The following CHSY1 variants were observed in gnomAD, a reference collection of about 807,000 sequenced individuals.
The protein encoded by CHSY1 is N-acetylgalactosaminyl-proteoglycan 3-beta-glucuronosyltransferase 1.
CHSY1 carries 13 observed loss-of-function variants against 59.8 expected under a neutral mutation model. The observed-to-expected ratio is 0.22, with a 90% confidence interval of 0.14 to 0.35. The LOEUF (loss-of-function observed/expected upper bound fraction) is 0.35. Ranked by LOEUF, CHSY1 falls within the 10% of genes least tolerant of loss-of-function variation. The probability of loss-of-function intolerance (pLI) is 1.00; values close to 1 mark genes in which losing one functional copy is unlikely to be tolerated. For missense variants in CHSY1, 947 were observed against 1,030.6 expected (o/e 0.92, Z 1.11); for synonymous variants, 459 against 401.2 (o/e 1.14, Z -1.72).
At chr15:101,196,964 G>C (rs895573366) in intron 2 of CHSY1, among the ~76,000 whole-genome samples, 7 of 152,160 alleles carry the variant, frequency 4.6e-5, no homozygotes, top group African/African-American at 1.7e-4. Flanking sequence ...GAACAAAAAG[G>C]GGCAAAGCAT....
At chr15:101,204,941 T>C (rs1363627496) in intron 2 of CHSY1, among the ~76,000 whole-genome samples, 1 of 152,074 alleles carries the variant, frequency 6.6e-6, no homozygotes, top group Non-Finnish European at 1.5e-5. Flanking sequence ...CTGGCAGAGT[T>C]AAGAATACTG....
intron 2 of CHSY1, among the ~76,000 whole-genome samples, chr15:101,184,478 A>G (rs1053432368): frequency 1.3e-5 from 2 of 150,570 alleles, no homozygotes; most frequent in Non-Finnish European, 3.0e-5. Context: ...CCTCCCAGGG[A>G]GCTGGAACTA....
At chr15:101,189,768 T>C (rs1336536180) in intron 2 of CHSY1, among the ~76,000 whole-genome samples, 2 of 152,248 alleles carry the variant, frequency 1.3e-5, no homozygotes, top group African/African-American at 2.4e-5. Flanking sequence ...TAGCATTTAA[T>C]GAAGAAATGT....
chr15:101,242,445 T>C (rs1292689771), intron 1 of CHSY1: 1 of 152,260 alleles, frequency 6.6e-6, no homozygotes, highest in East Asian at 1.9e-4. Context: ...CAGGCAGCCA[T>C]GAGAAGTCAC....
chr15:101,193,297 C>T (rs1220323695), intron 2 of CHSY1, among the ~76,000 whole-genome samples: 1 of 152,224 alleles, frequency 6.6e-6, no homozygotes, highest in Admixed American at 6.5e-5. Flanking sequence ...GAGGGCAGGG[C>T]TGCAGCATCA....
intron 2 of CHSY1, among the ~76,000 whole-genome samples, chr15:101,183,915 G>T (rs1006134839): frequency 2.0e-5 from 3 of 152,220 alleles, no homozygotes; most frequent in Non-Finnish European, 4.4e-5. Flanking sequence ...CAAGGATAAG[G>T]CTGGGCTCCT....
chr15:101,249,510 A>ATTTTTTTTTTTTTT (rs34753057), intron 1 of CHSY1, among the ~76,000 whole-genome samples: 1 of 113,044 alleles, frequency 8.8e-6, no homozygotes, highest in African/African-American at 3.9e-5. Context: ...GATAGATAGA[A>ATTTTTTTTTTTTTT]TTTTTTTTTT....
chr15:101,189,348 C>T (rs577138452), intron 2 of CHSY1: 32 of 719,582 alleles, frequency 4.4e-5, no homozygotes, highest in Middle Eastern at 7.1e-4. Flanking sequence ...CATGTCTCTA[C>T]GAGAACGTGA....
In CHSY1 at chr15:101,178,183, A is replaced by G. The variant is rs1160058118; in HGVS notation, c.1614T>C (p.Ile538=). 1 of 1,614,214 alleles carries G rather than the reference A, an allele frequency of 6.2e-7. No homozygotes were observed. The highest frequency in any genetic ancestry group is 1.7e-5 in the Admixed American group (1 of 60,036). ...EPKDKKINIL[I]PLSGRFDMFV... ...ACATGTCGAAACGCCCAGACAAAGG[A>G]ATCAGTATGTTTATCTTTTTATCTT... is the stretch of plus-strand genomic sequence containing the variant. The change falls in exon 3 of 3, where the codon ATT becomes ATC. Residue 538 remains isoleucine, a synonymous_variant. Coordinates refer to ENST00000254190, the MANE Select transcript of CHSY1 (RefSeq NM_014918.5).
intron 1 of CHSY1, among the ~76,000 whole-genome samples, chr15:101,241,061 A>C (rs1281370492): frequency 6.6e-6 from 1 of 152,186 alleles, no homozygotes; most frequent in Non-Finnish European, 1.5e-5. Context: ...CACCGTGGTT[A>C]TTTTTGGATG....
Position 101,178,723 on chromosome 15 carries a change from G to C in CHSY1, c.1074C>G (p.Ile358Met), listed in dbSNP as rs2038233133. The change falls in exon 3 of 3, where the codon ATC (isoleucine) becomes ATG (methionine). Residue 358 changes from isoleucine (I) to methionine (M), a missense_variant. Physicochemically the swap from Ile to Met is conservative, Grantham distance 10. Transcript: ENST00000254190. ...GCTGAAACCTCATGAAGGAGGGAGG[G>C]ATTCCCAGCTGGAGGTCCTCTTTAT... ...EIHKEDLQLGIPPSFMRFQPR... is the reference protein window; with the variant it reads ...EIHKEDLQLGMPPSFMRFQPR... 1 of 1,614,254 alleles carries C rather than the reference G, an allele frequency of 6.2e-7. No homozygotes were observed. Among genetic ancestry groups the C allele is most frequent in the Non-Finnish European group, 8.5e-7 (1 of 1,180,048 alleles).
chr15:101,189,378 G>C, intron 2 of CHSY1: 1 of 899,904 alleles, frequency 1.1e-6, no homozygotes, highest in Non-Finnish European at 1.3e-6. Context: ...TAGTCTAGGG[G>C]ACTGCCAAAG....
At chr15:101,182,057 C>G (rs1417977817) in intron 2 of CHSY1, among the ~76,000 whole-genome samples, 2 of 152,188 alleles carry the variant, frequency 1.3e-5, no homozygotes, top group African/African-American at 4.8e-5. Flanking sequence ...TTTACATTGT[C>G]TGTTTACAAA....
intron 2 of CHSY1, among the ~76,000 whole-genome samples, chr15:101,208,030 G>A (rs925867235): frequency 1.3e-5 from 2 of 152,248 alleles, no homozygotes; most frequent in African/African-American, 4.8e-5. Context: ...AGCGGAAACT[G>A]ATGCAGTAAG....
intron 1 of CHSY1, among the ~76,000 whole-genome samples, chr15:101,246,201 A>G (rs1346519873): frequency 2.6e-5 from 4 of 152,308 alleles, no homozygotes; most frequent in East Asian, 1.9e-4. Context: ...CAAAGAAGGG[A>G]AACCATCCAC....
intron 2 of CHSY1, among the ~76,000 whole-genome samples, chr15:101,188,930 C>T (rs2038406704): frequency 6.6e-6 from 1 of 152,070 alleles, no homozygotes; most frequent in Non-Finnish European, 1.5e-5. Context: ...GTTGAATGCA[C>T]CAGGCATCGC....
intron 2 of CHSY1, among the ~76,000 whole-genome samples, chr15:101,181,570 G>GT (rs2038278887): frequency 6.6e-6 from 1 of 152,140 alleles, no homozygotes; most frequent in Non-Finnish European, 1.5e-5. Context: ...ATCTCCCCAT[G>GT]TATCTCCGAC....
intron 2 of CHSY1, among the ~76,000 whole-genome samples, chr15:101,187,210 G>A (rs1225332869): frequency 6.6e-6 from 1 of 152,216 alleles, no homozygotes; most frequent in African/African-American, 2.4e-5. Context: ...CCGGGCCAGT[G>A]GCTCACGCCT....
In CHSY1 at chr15:101,228,098, C is replaced by T. The variant is rs536288595; in HGVS notation, c.816+6984G>A. Among the ~76,000 whole-genome samples the T allele has an allele frequency of 2.0e-5, 3 of 151,678 alleles. No individual in the cohort carries two copies. The East Asian group carries it at 5.8e-4, about 29-fold the overall frequency. Reference sequence around the variant, plus strand: ...GAAATTATTTGTATTTTTAATGAGCCAAACAGAAATTATGGAGTTGAAAAG... The same window carrying T: ...GAAATTATTTGTATTTTTAATGAGCTAAACAGAAATTATGGAGTTGAAAAG... On this transcript the variant is annotated intron_variant, in intron 2 of 2. Coordinates refer to ENST00000254190, the MANE Select transcript of CHSY1 (RefSeq NM_014918.5).
Sources: allele counts gnomAD v4.1 joint callset (sites outside exome capture counted in the v4.1 genomes callset), GRCh38; gene constraint gnomAD v4.1.1; transcripts MANE v1.5; gene names NCBI Gene and HGNC (gene_info 2026-07-23, HGNC 2026-07-21).